The following CERKL variants were observed in gnomAD, a reference collection of about 807,000 sequenced individuals.
CERKL encodes the protein ceramide kinase-like protein.
Under a neutral mutation model 63.4 loss-of-function variants are expected in CERKL, and 61 were observed. The observed-to-expected ratio is 0.96, with a 90% CI of 0.78 to 1.19. The LOEUF (loss-of-function observed/expected upper bound fraction) is 1.19, where lower values mean the gene tolerates loss of function less well. Ranked by LOEUF, CERKL falls within the 50% of genes most tolerant of loss-of-function variation. The pLI, the probability that CERKL is intolerant of heterozygous loss-of-function variation, is 0.00. For missense variants in CERKL, 675 were observed against 655.5 expected, an observed-to-expected ratio of 1.03 and a Z score of -0.33; for synonymous variants, 250 against 230.5, an observed-to-expected ratio of 1.08 and a Z score of -0.77.
chr2:181,617,168 G>A (rs963762353), intron 1 of CERKL: 13 of 152,090 alleles, frequency 8.5e-5, no homozygotes, highest in African/African-American at 2.7e-4. Context: ...TCTTGATGAA[G>A]CAATAACACT....
intron 1 of CERKL, among the ~76,000 whole-genome samples, chr2:181,636,990 T>C (rs1354089849): frequency 6.6e-6 from 1 of 152,210 alleles, no homozygotes; most frequent in Non-Finnish European, 1.5e-5. Context: ...TCCTGGAACC[T>C]TCTAGAGACC....
At chr2:181,569,971 T>C (rs1200806562) in intron 3 of CERKL, among the ~76,000 whole-genome samples, 1 of 152,182 alleles carries the variant, frequency 6.6e-6, no homozygotes, top group African/African-American at 2.4e-5. Context: ...ATCTAACAAA[T>C]GACTTTAGGC....
In CERKL at chr2:181,604,105, T is replaced by TA; in HGVS notation, c.239-27dup. The TA allele has an allele frequency of 1.9e-6, 3 of 1,562,456 alleles. No individual in the cohort carries two copies. In the South Asian group the frequency reaches 3.4e-5, roughly 17 times the overall value. On this transcript the variant is annotated intron_variant, in intron 1 of 12. Coordinates refer to ENST00000410087, the MANE Select transcript of CERKL (RefSeq NM_201548.5). ...CTGAAAAAAAAATAAATTTTCCAAT[T>TA]AAAACCATTGTGTTTCATAGAGAGG...
chr2:181,574,361 G>C (rs1230886898), intron 2 of CERKL, among the ~76,000 whole-genome samples: 1 of 152,230 alleles, frequency 6.6e-6, no homozygotes, highest in Non-Finnish European at 1.5e-5. Context: ...TGAGTCCAGT[G>C]CAGAACAGAG....
At chr2:181,619,721 T>A (rs1490709600) in intron 1 of CERKL, among the ~76,000 whole-genome samples, 1 of 152,146 alleles carries the variant, frequency 6.6e-6, no homozygotes, top group African/African-American at 2.4e-5. Flanking sequence ...CGAAGCACAT[T>A]GAGCCACTCT....
chr2:181,597,440 T>C lies in CERKL; in HGVS notation c.481+6397A>G, dbSNP rs193191461. Reference sequence around the variant, plus strand: ...TTCTTAGAAAGAAGATCAAAGTTACTGTCAAATGGACAAGTTTCTAATGGA... The same window carrying C: ...TTCTTAGAAAGAAGATCAAAGTTACCGTCAAATGGACAAGTTTCTAATGGA... On this transcript the variant is annotated intron_variant, in intron 2 of 12. Coordinates refer to ENST00000410087, the MANE Select transcript of CERKL (RefSeq NM_201548.5). 2.8e-4 allele frequency among the ~76,000 whole-genome samples: 43 copies of C among 152,276 alleles called. 1 individual carries two copies. In the East Asian group the frequency reaches 6.8e-3, roughly 24 times the overall value.
Position 181,657,018 on chromosome 2 carries a change from A to G in CERKL, c.-12T>C. The G allele has an allele frequency of 6.4e-7, 1 of 1,572,096 alleles. No individual in the cohort carries two copies. The highest frequency in any genetic ancestry group is 8.6e-7 in the Non-Finnish European group (1 of 1,164,480). ...CTCCTCCAGGGCATGGCGGAGTCGC[A>G]GGCTGGGCCCGAGCCAGGGGTCCGG... On this transcript the variant is annotated 5_prime_UTR_variant, in exon 1 of 13. Transcript: ENST00000410087.
intron 1 of CERKL, among the ~76,000 whole-genome samples, chr2:181,652,173 A>G (rs1687968070): frequency 1.1e-5 from 1 of 89,108 alleles, no homozygotes; most frequent in African/African-American, 1.0e-4. Flanking sequence ...CAGAACCACA[A>G]AAAAAACCCC....
chr2:181,583,543 G>A (rs779903456), intron 2 of CERKL, among the ~76,000 whole-genome samples: 9 of 152,160 alleles, frequency 5.9e-5, no homozygotes, highest in Non-Finnish European at 1.3e-4. Context: ...CAAGTTAAAC[G>A]ATATCACAAA....
chr2:181,575,878 C>A (rs1025280616), intron 2 of CERKL, among the ~76,000 whole-genome samples: 2 of 152,180 alleles, frequency 1.3e-5, no homozygotes, highest in African/African-American at 4.8e-5. Flanking sequence ...TCAAAGCTCA[C>A]TTCAAACAAC....
chr2:181,562,297 C>T (rs146133526), intron 4 of CERKL, among the ~76,000 whole-genome samples: 56 of 152,316 alleles, frequency 3.7e-4, no homozygotes, highest in African/African-American at 1.2e-3. Flanking sequence ...GAATACCCTA[C>T]ATTTATCGAT....
chr2:181,570,232 C>T (rs1198026322), intron 3 of CERKL, among the ~76,000 whole-genome samples: 1 of 152,136 alleles, frequency 6.6e-6, no homozygotes, highest in Non-Finnish European at 1.5e-5. Context: ...TAACAACGTA[C>T]TCTGCCTCTA....
chr2:181,628,060 C>T (rs1686788349), intron 1 of CERKL, among the ~76,000 whole-genome samples: 1 of 150,698 alleles, frequency 6.6e-6, no homozygotes, highest in African/African-American at 2.5e-5. Context: ...AATGTCTTGT[C>T]CTGAAGGTTT....
At chr2:181,656,651 CG>C in intron 1 of CERKL, 117 bp downstream of exon 1, 1 of 879,158 alleles carries the variant, frequency 1.1e-6, no homozygotes, top group South Asian at 1.8e-5. Context: ...GAGGCGAGCA[CG>C]GGGAGGGGAG....
intron 2 of CERKL, among the ~76,000 whole-genome samples, chr2:181,594,112 C>T (rs111637154): frequency 2.1e-4 from 32 of 152,236 alleles, no homozygotes; most frequent in African/African-American, 7.7e-4. Flanking sequence ...AAGGAGAATA[C>T]TCAGTTCACT....
At chr2:181,644,691 C>T (rs1402750644) in intron 1 of CERKL, among the ~76,000 whole-genome samples, 1 of 152,056 alleles carries the variant, frequency 6.6e-6, no homozygotes, top group East Asian at 1.9e-4. Flanking sequence ...AGGAGCTTAA[C>T]ATATAATGGG....
intron 2 of CERKL, among the ~76,000 whole-genome samples, chr2:181,574,794 G>C (rs564546636): frequency 6.6e-6 from 1 of 152,254 alleles, no homozygotes; most frequent in East Asian, 1.9e-4. Flanking sequence ...AGTGAAAATT[G>C]TCCACTACAA....
At chr2:181,587,091 T>C (rs1281025672) in intron 2 of CERKL, among the ~76,000 whole-genome samples, 1 of 152,184 alleles carries the variant, frequency 6.6e-6, no homozygotes, top group Non-Finnish European at 1.5e-5. Context: ...TTGACAACTT[T>C]CCAGTAGAGG....
intron 1 of CERKL, among the ~76,000 whole-genome samples, chr2:181,640,779 C>T (rs965709341): frequency 4.6e-5 from 7 of 152,204 alleles, no homozygotes; most frequent in African/African-American, 1.2e-4. Flanking sequence ...GAACTTCCTA[C>T]TTTGGACAAC....
Sources: allele counts gnomAD v4.1 joint callset (sites outside exome capture counted in the v4.1 genomes callset), GRCh38; gene constraint gnomAD v4.1.1; transcripts MANE v1.5; gene names NCBI Gene and HGNC (gene_info 2026-07-23, HGNC 2026-07-21).